PKHD1L1: variants seen among roughly 807,000 people sequenced by gnomAD.
PKHD1L1 encodes the protein PKHD1 like 1.
A neutral mutation model predicts 462.9 loss-of-function variants in PKHD1L1; 434 were observed. The observed-to-expected ratio is 0.94, with a 90% CI of 0.87 to 1.02. The LOEUF is 1.02. PKHD1L1 is among the 50% of genes least tolerant of loss of function. PKHD1L1 has a pLI of 0.00. For missense variants in PKHD1L1, 5,202 were observed against 5,096.1 expected (o/e 1.02, Z -0.63); for synonymous variants, 1,781 against 1,750.0 (o/e 1.02, Z -0.44).
At chr8:109,371,602 T>C (rs1811513908) in intron 2 of PKHD1L1, among the ~76,000 whole-genome samples, 1 of 144,614 alleles carries the variant, frequency 6.9e-6, no homozygotes, top group African/African-American at 2.5e-5. Context: ...TGAATGGTAT[T>C]GCCTAGGTTT....
intron 19 of PKHD1L1, among the ~76,000 whole-genome samples, 185 bp downstream of exon 19, chr8:109,410,163 T>C (rs1014756074): frequency 2.0e-5 from 3 of 152,226 alleles, no homozygotes; most frequent in African/African-American, 7.2e-5. Context: ...CTGCCGTCTA[T>C]GATTCGTTTG....
intron 39 of PKHD1L1, 128 bp downstream of exon 39, chr8:109,448,519 T>G (rs2130773895): frequency 1.0e-6 from 1 of 963,334 alleles, no homozygotes; most frequent in East Asian, 2.8e-5. Flanking sequence ...TTTGTTTGGT[T>G]TTTTTTTTTT....
intron 2 of PKHD1L1, among the ~76,000 whole-genome samples, chr8:109,368,808 T>C (rs1811351961): frequency 6.6e-6 from 1 of 152,176 alleles, no homozygotes; most frequent in Non-Finnish European, 1.5e-5. Flanking sequence ...TGGCAATTCC[T>C]GTCTCCAGTT....
intron 28 of PKHD1L1, among the ~76,000 whole-genome samples, chr8:109,434,758 C>T (rs1006270929): frequency 7.9e-5 from 12 of 152,268 alleles, no homozygotes; most frequent in Non-Finnish European, 1.3e-4. Context: ...CGTGAGCCAC[C>T]GCGCCTGCCC....
At position 109,498,596 on chromosome 8, in the gene PKHD1L1, G is replaced by T. The variant is rs764565754; in HGVS notation, c.10711+23G>T. The T allele has an allele frequency of 6.2e-6, 10 of 1,609,866 alleles. No homozygotes were observed. In the South Asian group the frequency reaches 1.1e-4, roughly 18 times the overall value. ...CAGGTGAAAAATTTGAAACTTTAAT[G>T]TTGTTGTTCATATGAGTGCATATTC... On this transcript the variant is annotated intron_variant, in intron 66 of 77. Transcript: ENST00000378402.
intron 46 of PKHD1L1, among the ~76,000 whole-genome samples, chr8:109,457,047 A>G (rs1166048160): frequency 6.6e-6 from 1 of 152,140 alleles, no homozygotes; most frequent in Non-Finnish European, 1.5e-5. Flanking sequence ...ACATAACACC[A>G]CCAAGTATCA....
At chr8:109,501,863 A>G (rs1819432720) in intron 67 of PKHD1L1, among the ~76,000 whole-genome samples, 2 of 151,998 alleles carry the variant, frequency 1.3e-5, no homozygotes, top group Non-Finnish European at 2.9e-5. Flanking sequence ...CCATTTTGAC[A>G]TGTCTATCCA....
intron 52 of PKHD1L1, 112 bp downstream of exon 52, chr8:109,476,779 A>C: frequency 1.1e-6 from 1 of 923,612 alleles, no homozygotes; most frequent in Non-Finnish European, 1.5e-6. Context: ...ACAGGATCCA[A>C]TAAATGTTTG....
At position 109,445,506 on chromosome 8, in the gene PKHD1L1, A is replaced by G. The variant is rs956538033; in HGVS notation, c.5637A>G (p.Glu1879=). ...AAATTATTTCCATCAACCCCAATGA[A>G]GTCTACTGCCGCACTCCCGCTGGGA... ...PCQIISINPN[E]VYCRTPAGTT... The change falls in exon 38 of 78, where the codon GAA becomes GAG. Residue 1879 remains glutamate, a synonymous_variant. Transcript: ENST00000378402. 2.6e-5 allele frequency: 42 copies of G among 1,613,644 alleles called. No homozygotes were observed. The highest frequency in any genetic ancestry group is 3.3e-5 in the Non-Finnish European group (39 of 1,179,834).
chr8:109,475,184 C>G lies in PKHD1L1; in HGVS notation c.8672C>G (p.Pro2891Arg). The change falls in exon 51 of 78, where the codon CCA (proline) becomes CGA (arginine). Residue 2891 changes from proline (P) to arginine (R), a missense_variant. Physicochemically the swap from Pro to Arg is moderately radical, Grantham distance 103 (BLOSUM62 -2). Around this residue, in one of 3 missense-constraint regions of PKHD1L1, gnomAD observed 4,497 missense variants for 4,336.8 expected, o/e 1.04. Coordinates refer to ENST00000378402, the MANE Select transcript of PKHD1L1 (RefSeq NM_177531.6). ...ATGTCTGGATGGATGGCTCTGATTC[C>G]AAATGCAAATCACATTAACTGGTAT... is the stretch of plus-strand genomic sequence containing the variant. ...THMSGWMALI[P>R]NANHINWYFK... 6.2e-7 allele frequency: 1 copy of G among 1,612,650 alleles called. No homozygotes were observed. Among genetic ancestry groups the G allele is most frequent in the South Asian group, 1.1e-5 (1 of 91,002 alleles).
At chr8:109,412,129 A>C in intron 19 of PKHD1L1, 136 bp from the exon 20 acceptor site, 1 of 787,972 alleles carries the variant, frequency 1.3e-6, no homozygotes, top group Non-Finnish European at 2.0e-6. Context: ...TCAGACAAGG[A>C]AGAAAACATC....
chr8:109,484,993 T>G (rs1449093811), intron 57 of PKHD1L1, 51 bp from the exon 58 acceptor site: 2 of 1,415,618 alleles, frequency 1.4e-6, no homozygotes, highest in African/African-American at 2.9e-5. Flanking sequence ...TCAAGAAATA[T>G]AAATCTATTT....
intron 2 of PKHD1L1, among the ~76,000 whole-genome samples, chr8:109,378,979 C>T (rs1482317745): frequency 1.3e-5 from 2 of 152,166 alleles, no homozygotes; most frequent in Non-Finnish European, 2.9e-5. Flanking sequence ...GATGATTCGT[C>T]CAGGAGCTTC....
chr8:109,483,181 A>C, intron 57 of PKHD1L1, 76 bp downstream of exon 57: 1 of 962,856 alleles, frequency 1.0e-6, no homozygotes, highest in Non-Finnish European at 1.4e-6. Context: ...TTCTACTCTC[A>C]TGGGCATTCA....
rs560922230 is a variant in PKHD1L1, at chr8:109,483,400, CAT to C, written c.9576+300_9576+301del. Among the ~76,000 whole-genome samples the C allele has an allele frequency of 3.9e-4, 58 of 148,558 alleles. No homozygotes were observed. In the South Asian group the frequency reaches 0.01, roughly 26 times the overall value. ...TATATTATGTATATATATTTTATGA[CAT>C]ATATGACTATAGATTAGTCATACAA... On this transcript the variant is annotated intron_variant, in intron 57 of 77. Transcript: ENST00000378402.
At chr8:109,444,016 A>C in intron 37 of PKHD1L1, 114 bp downstream of exon 37, 1 of 885,772 alleles carries the variant, frequency 1.1e-6, no homozygotes, top group Non-Finnish European at 1.7e-6. Context: ...ATCACATACC[A>C]TACAATTCAC....
chr8:109,406,428 CACAA>C lies in PKHD1L1; in HGVS notation c.1765_1768del (p.Gln589IlefsTer9), dbSNP rs776697780. The C allele has an allele frequency of 5.6e-6, 9 of 1,597,984 alleles. No homozygotes were observed. In the Admixed American group the frequency reaches 8.6e-5, roughly 15 times the overall value. On this transcript the variant is annotated frameshift_variant, in exon 17 of 78. Transcript: ENST00000378402. LOFTEE classifies it high-confidence loss of function. ...CCGGACACAGTTCAAGTAATAAGAA[CACAA>C]AATCCCCAGAGCTATGTCTACATGG...
chr8:109,431,748 G>A lies in PKHD1L1; in HGVS notation c.3230-1358G>A, dbSNP rs1026911199. On this transcript the variant is annotated intron_variant, in intron 27 of 77. Coordinates refer to ENST00000378402, the MANE Select transcript of PKHD1L1 (RefSeq NM_177531.6). The stretch of plus-strand genomic sequence containing the variant: ...TGGTGGACATTTAGATTGTTTACAA[G>A]TTTTCACTTTTACCAATAAGACTAT... Among the ~76,000 whole-genome samples, 21 of 152,230 alleles carry A rather than the reference G, an allele frequency of 1.4e-4. 1 individual carries two copies. In the Middle Eastern group the frequency reaches 0.01, roughly 74 times the overall value.
At chr8:109,473,951 A>G (rs542987179) in intron 50 of PKHD1L1, among the ~76,000 whole-genome samples, 1 of 152,110 alleles carries the variant, frequency 6.6e-6, no homozygotes, top group Admixed American at 6.6e-5. Context: ...TGTCAGTTCC[A>G]CTAATGTCCC....
Sources: allele counts gnomAD v4.1 joint callset (sites outside exome capture counted in the v4.1 genomes callset), GRCh38; gene constraint gnomAD v4.1.1; regional missense constraint gnomAD v4.1.1; transcripts MANE v1.5; gene names NCBI Gene and HGNC (gene_info 2026-07-23, HGNC 2026-07-21).